OSBPL8: variants seen among roughly 807,000 people sequenced by gnomAD.
OSBPL8 encodes the protein oxysterol-binding protein-related protein 8.
In OSBPL8, 59 loss-of-function variants were observed where a neutral mutation model predicts 125.5. The observed-to-expected ratio is 0.47, with a 90% CI of 0.38 to 0.58. OSBPL8 has a LOEUF of 0.58. Among genes scored for constraint, OSBPL8 ranks in the 20% least tolerant of loss-of-function variants. The pLI is 0.00. For synonymous variants in OSBPL8, 330 were observed against 338.9 expected (o/e 0.97, Z 0.29); for missense variants, 758 against 1,047.8 (o/e 0.72, Z 3.82).
intron 1 of OSBPL8, among the ~76,000 whole-genome samples, chr12:76,511,113 G>A (rs1344565649): frequency 6.6e-6 from 1 of 152,146 alleles, no homozygotes; most frequent in East Asian, 1.9e-4. Flanking sequence ...GACTTCTGAG[G>A]GTGGTAGAGT....
In OSBPL8 at chr12:76,355,320, T is replaced by C. The variant is rs747882754; in HGVS notation, c.*569A>G. ...CATTTATCTCTCTCGATGTATTCATTTTGACCATTCATACTTTTTCTTTCT... is the reference window on the plus strand; with the variant it reads ...CATTTATCTCTCTCGATGTATTCATCTTGACCATTCATACTTTTTCTTTCT... On this transcript the variant is annotated 3_prime_UTR_variant, in exon 24 of 24. Coordinates refer to ENST00000261183, the MANE Select transcript of OSBPL8 (RefSeq NM_020841.5). 6.6e-6 allele frequency: 1 copy of C among 152,458 alleles called. No individual in the cohort carries two copies. The highest frequency in any genetic ancestry group is 1.5e-5 in the Non-Finnish European group (1 of 67,986). The allele number at this position is 152,458 out of a possible 1,614,324, so 9.4% of individuals were successfully genotyped here. A position where few individuals can be genotyped will look rare whatever the true frequency, so the allele number is the denominator to read the frequency against.
At chr12:76,504,990 T>A (rs1306259418) in intron 1 of OSBPL8, among the ~76,000 whole-genome samples, 2 of 152,100 alleles carry the variant, frequency 1.3e-5, no homozygotes, top group Non-Finnish European at 2.9e-5. Context: ...ACCCCATGAC[T>A]GCATTCCCCA....
intron 8 of OSBPL8, 77 bp downstream of exon 8, chr12:76,397,617 C>A (rs1953866276): frequency 2.9e-6 from 4 of 1,378,712 alleles, no homozygotes; most frequent in Admixed American, 2.0e-5. Context: ...GGACTAAACT[C>A]ATTTGATTGA....
chr12:76,525,247 A>C (rs989729100), intron 1 of OSBPL8, among the ~76,000 whole-genome samples: 24 of 152,318 alleles, frequency 1.6e-4, no homozygotes, highest in Admixed American at 1.4e-3. Flanking sequence ...AATTTTCCTG[A>C]TATTTTACAG....
chr12:76,484,981 C>T (rs1421316122), intron 2 of OSBPL8, among the ~76,000 whole-genome samples: 4 of 151,996 alleles, frequency 2.6e-5, no homozygotes, highest in Admixed American at 6.6e-5. Flanking sequence ...AGTGCAGTGG[C>T]GCGATCTCAG....
At chr12:76,418,225 GAACT>G (rs1244759470) in intron 4 of OSBPL8, among the ~76,000 whole-genome samples, 1 of 151,874 alleles carries the variant, frequency 6.6e-6, no homozygotes, top group African/African-American at 2.4e-5. Context: ...GGCTGGTCTT[GAACT>G]CTCGACTTCA....
In OSBPL8 at chr12:76,399,912, G is replaced by T; in HGVS notation, c.429C>A (p.Ile143=). Residue 143 remains isoleucine (I), a synonymous_variant, in exon 7 of 24, where the codon ATC becomes ATA. Coordinates refer to ENST00000261183, the MANE Select transcript of OSBPL8 (RefSeq NM_020841.5). ...CCATAACAATAACAGAAGGATCTGT[G>T]ATTGTACTGAGCAGCTCCTTTGTGG... is the stretch of plus-strand genomic sequence containing the variant. ...KRATKELLST[I]TDPSVIVMAD... is the part of the protein sequence containing the mutation. The T allele has an allele frequency of 6.2e-7, 1 of 1,607,360 alleles. No homozygotes were observed. Among genetic ancestry groups the T allele is most frequent in the Non-Finnish European group, 8.5e-7 (1 of 1,178,162 alleles).
At chr12:76,401,726 C>T (rs1954060967) in intron 6 of OSBPL8, among the ~76,000 whole-genome samples, 3 of 152,022 alleles carry the variant, frequency 2.0e-5, no homozygotes, top group Admixed American at 2.0e-4. Context: ...CAAAGAATGC[C>T]ACAACTGTTT....
intron 4 of OSBPL8, among the ~76,000 whole-genome samples, chr12:76,417,533 CTTT>C (rs939700951): frequency 2.6e-5 from 4 of 152,080 alleles, no homozygotes; most frequent in African/African-American, 9.7e-5. Flanking sequence ...GCCTCAACTT[CTTT>C]ATTTTTCATC....
chr12:76,370,946 T>C (rs954965756), intron 19 of OSBPL8, among the ~76,000 whole-genome samples: 1 of 152,190 alleles, frequency 6.6e-6, no homozygotes, highest in Non-Finnish European at 1.5e-5. Flanking sequence ...ATATAAGCCA[T>C]CTAGCAAGAA....
At chr12:76,432,662 C>G (rs1870983854) in intron 4 of OSBPL8, among the ~76,000 whole-genome samples, 1 of 151,512 alleles carries the variant, frequency 6.6e-6, no homozygotes, top group Non-Finnish European at 1.5e-5. Context: ...AAACTAAGCC[C>G]AAAATTAGCA....
At position 76,533,980 on chromosome 12, in the gene OSBPL8, ATAT is replaced by A. The variant is rs1208316476; in HGVS notation, c.-68+25414_-68+25416del. On this transcript the variant is annotated intron_variant, in intron 1 of 23. Coordinates refer to ENST00000261183, the MANE Select transcript of OSBPL8 (RefSeq NM_020841.5). ...GAAATAAAACATTCATATATAATCA[ATAT>A]TATAATTGAATATGCTACATTTTAC... Among the ~76,000 whole-genome samples, 3 of 152,218 alleles carry A rather than the reference ATAT, an allele frequency of 2.0e-5. No individual in the cohort carries two copies. In the East Asian group the frequency reaches 5.8e-4, roughly 29 times the overall value.
chr12:76,382,807 C>T (rs1483805927), intron 15 of OSBPL8, among the ~76,000 whole-genome samples: 5 of 152,080 alleles, frequency 3.3e-5, no homozygotes, highest in South Asian at 2.1e-4. Flanking sequence ...AGCTTGAACC[C>T]GGGAGGCAGA....
At chr12:76,470,627 C>CA (rs1565923315) in intron 2 of OSBPL8, among the ~76,000 whole-genome samples, 2 of 151,946 alleles carry the variant, frequency 1.3e-5, no homozygotes, top group African/African-American at 4.8e-5. Flanking sequence ...ATAAGAGCTG[C>CA]AAAAAAATAC....
intron 1 of OSBPL8, among the ~76,000 whole-genome samples, chr12:76,520,581 TAGCCAAACAA>T (rs2137258356): frequency 6.6e-6 from 1 of 152,268 alleles, no homozygotes; most frequent in Admixed American, 6.5e-5. Context: ...AACTGGCAGT[TAGCCAAACAA>T]AGTATGGCAA....
intron 1 of OSBPL8, among the ~76,000 whole-genome samples, chr12:76,526,185 C>T (rs1022209609): frequency 8.5e-5 from 13 of 152,232 alleles, no homozygotes; most frequent in South Asian, 2.1e-4. Flanking sequence ...TATTACATGT[C>T]GTCTTATGAC....
chr12:76,438,682 C>T (rs1871799363), intron 4 of OSBPL8, among the ~76,000 whole-genome samples: 2 of 152,086 alleles, frequency 1.3e-5, no homozygotes, highest in South Asian at 2.1e-4. Context: ...GAGTTTTTAT[C>T]GTGAGTAGAT....
intron 12 of OSBPL8, among the ~76,000 whole-genome samples, chr12:76,388,528 C>T (rs918736400): frequency 3.3e-5 from 5 of 152,046 alleles, no homozygotes; most frequent in Admixed American, 1.3e-4. Flanking sequence ...ATTTCTAGAC[C>T]GACAAAAGTG....
intron 1 of OSBPL8, among the ~76,000 whole-genome samples, chr12:76,528,503 C>A (rs1470119903): frequency 6.6e-6 from 1 of 152,004 alleles, no homozygotes; most frequent in Non-Finnish European, 1.5e-5. Flanking sequence ...ATATATAAAT[C>A]ATGCCTTGTC....
Sources: allele counts gnomAD v4.1 joint callset (sites outside exome capture counted in the v4.1 genomes callset), GRCh38; gene constraint gnomAD v4.1.1; transcripts MANE v1.5; gene names NCBI Gene and HGNC (gene_info 2026-07-23, HGNC 2026-07-21).